Variants in ATP2B2 observed in about 807,000 individuals in gnomAD.
ATP2B2 encodes ATPase plasma membrane Ca2+ transporting 2.
Under a neutral mutation model 120.0 loss-of-function variants are expected in ATP2B2, and 15 were observed. The observed-to-expected ratio is 0.12, with a 90% CI of 0.08 to 0.19. ATP2B2 has a LOEUF of 0.19. Ranked by LOEUF, ATP2B2 falls within the 10% of genes least tolerant of loss-of-function variation. The pLI, the probability that ATP2B2 is intolerant of heterozygous loss-of-function variation, is 1.00. For synonymous variants in ATP2B2, 694 were observed against 700.3 expected (o/e 0.99, Z 0.14); for missense variants, 1,045 against 1,719.8 (o/e 0.61, Z 6.94).
intron 2 of ATP2B2, among the ~76,000 whole-genome samples, chr3:10,438,278 GTGC>G (rs1012391371): frequency 1.3e-5 from 2 of 152,212 alleles, no homozygotes; most frequent in African/African-American, 4.8e-5. Context: ...GAGCTGGGGT[GTGC>G]TGAAGGGGGA....
At chr3:10,507,835 G>A (rs2066677082), upstream of ATP2B2, among the ~76,000 whole-genome samples, 1 of 152,168 alleles carries the variant, frequency 6.6e-6, no homozygotes, top group Non-Finnish European at 1.5e-5. Flanking sequence ...TAGTTCAGGG[G>A]GATGTGGTGG....
At chr3:10,332,422 G>C (rs1042981620) in intron 22 of ATP2B2, 2 of 213,744 alleles carry the variant, frequency 9.4e-6, no homozygotes, top group Non-Finnish European at 1.9e-5. Flanking sequence ...AAGATGGTTT[G>C]AGATGAGTTA....
intron 11 of ATP2B2, among the ~76,000 whole-genome samples, chr3:10,374,360 C>T (rs1217963125): frequency 6.6e-6 from 1 of 152,132 alleles, no homozygotes; most frequent in Non-Finnish European, 1.5e-5. Context: ...CGATAAGGGC[C>T]GTATTTGTTA....
intron 21 of ATP2B2, among the ~76,000 whole-genome samples, 165 bp from the exon 22 acceptor site, chr3:10,338,523 T>C (rs1003257598): frequency 2.0e-4 from 29 of 145,038 alleles, no homozygotes; most frequent in Admixed American, 1.0e-3. Context: ...TCTTTGACAA[T>C]GTCTTTTTTT....
At chr3:10,394,039 T>G (rs2061947208) in intron 5 of ATP2B2, among the ~76,000 whole-genome samples, 1 of 152,166 alleles carries the variant, frequency 6.6e-6, no homozygotes, top group Non-Finnish European at 1.5e-5. Flanking sequence ...ATAAGGCGAA[T>G]GACTGAAGTT....
At chr3:10,534,445 T>TCGGG (rs2067269690) in intron 2 of ATP2B2, among the ~76,000 whole-genome samples, 1 of 152,228 alleles carries the variant, frequency 6.6e-6, no homozygotes, top group Non-Finnish European at 1.5e-5. Flanking sequence ...CTAACATGCA[T>TCGGG]CGGGCATCTA....
intron 2 of ATP2B2, among the ~76,000 whole-genome samples, chr3:10,536,797 G>T (rs2067327337): frequency 6.6e-6 from 1 of 152,128 alleles, no homozygotes; most frequent in African/African-American, 2.4e-5. Flanking sequence ...CAAAGTGTTG[G>T]GATTACAGGC....
intron 1 of ATP2B2, among the ~76,000 whole-genome samples, chr3:10,670,162 C>T (rs959953040): frequency 2.6e-5 from 4 of 152,146 alleles, no homozygotes; most frequent in African/African-American, 7.2e-5. Context: ...TAAGAGAGGT[C>T]GAGTATGTAT....
At chr3:10,585,194 C>T (rs1182762745) in intron 2 of ATP2B2, among the ~76,000 whole-genome samples, 1 of 152,090 alleles carries the variant, frequency 6.6e-6, no homozygotes, top group African/African-American at 2.4e-5. Context: ...ATGGTTTGCA[C>T]TGTAATTAAG....
intron 8 of ATP2B2, among the ~76,000 whole-genome samples, chr3:10,381,412 C>G (rs2061527069): frequency 6.6e-6 from 1 of 152,176 alleles, no homozygotes; most frequent in Admixed American, 6.5e-5. Context: ...CTCAAAGGGG[C>G]CTTTATTTGC....
chr3:10,690,200 T>C (rs925607007), intron 1 of ATP2B2, among the ~76,000 whole-genome samples: 1 of 152,188 alleles, frequency 6.6e-6, no homozygotes, highest in African/African-American at 2.4e-5. Context: ...AGGCTTGACA[T>C]AGGGGGGGAC....
At chr3:10,532,603 T>C (rs1236114038) in intron 3 of ATP2B2, among the ~76,000 whole-genome samples, 2 of 152,228 alleles carry the variant, frequency 1.3e-5, no homozygotes, top group Non-Finnish European at 2.9e-5. Context: ...AAGTTTCTGT[T>C]CTGTATTATG....
chr3:10,450,063 C>G (rs989132103), intron 1 of ATP2B2, among the ~76,000 whole-genome samples: 2 of 152,162 alleles, frequency 1.3e-5, no homozygotes, highest in Non-Finnish European at 1.5e-5. Flanking sequence ...ACCCTCAAGG[C>G]ATAGCCCCAT....
chr3:10,388,980 G>A (rs147431825), intron 5 of ATP2B2, among the ~76,000 whole-genome samples: 38 of 152,252 alleles, frequency 2.5e-4, no homozygotes, highest in Non-Finnish European at 4.6e-4. Flanking sequence ...TGTGACCTCA[G>A]TGGGATCTTG....
At position 10,375,717 on chromosome 3, in the gene ATP2B2, G is replaced by A. The variant is rs1575055783; in HGVS notation, c.1202-73C>T. On this transcript the variant is annotated intron_variant, in intron 10 of 22. Coordinates refer to ENST00000360273, the MANE Select transcript of ATP2B2 (RefSeq NM_001001331.4). The surrounding 1 kb of genome is among the most constrained non-coding windows in gnomAD (Gnocchi z 4.2). ...TGGGGGTGGTGTGGACCAAATCTTT[G>A]GCTGAAAGAGCTCCGGGTCAGGCTG... The A allele has an allele frequency of 7.2e-7, 1 of 1,394,836 alleles. No individual in the cohort carries two copies. The highest frequency in any genetic ancestry group is 2.4e-5 in the East Asian group (1 of 41,720). The allele number at this position is 1,394,836 out of a possible 1,614,324, so 86.4% of individuals were successfully genotyped here. A position where few individuals can be genotyped will look rare whatever the true frequency, so the allele number is the denominator to read the frequency against.
chr3:10,656,826 C>T (rs1312785660), intron 1 of ATP2B2, among the ~76,000 whole-genome samples: 2 of 152,226 alleles, frequency 1.3e-5, no homozygotes, highest in Non-Finnish European at 2.9e-5. Flanking sequence ...CAAGAAGAAG[C>T]CAGCCCTGGG....
chr3:10,369,853 G>T (rs968732619), intron 12 of ATP2B2, among the ~76,000 whole-genome samples: 1 of 152,206 alleles, frequency 6.6e-6, no homozygotes, highest in Non-Finnish European at 1.5e-5. Flanking sequence ...AGGCTCTGCT[G>T]TCCTTCCCAC....
chr3:10,652,103 T>C (rs1210700953), intron 1 of ATP2B2, among the ~76,000 whole-genome samples: 1 of 152,114 alleles, frequency 6.6e-6, no homozygotes, highest in Non-Finnish European at 1.5e-5. Context: ...TTCCAGATAA[T>C]GGGGCTATTT....
rs957503611 is a variant in ATP2B2 at position 10,329,869 on chromosome 3, C to T, written c.3421-744G>A. Among the ~76,000 whole-genome samples, 3 of 152,180 alleles carry T rather than the reference C, an allele frequency of 2.0e-5. No individual in the cohort carries two copies. Among genetic ancestry groups the T allele is most frequent in the African/African-American group, 2.4e-5 (1 of 41,446 alleles). On this transcript the variant is annotated intron_variant, in intron 22 of 22. Coordinates refer to ENST00000360273, the MANE Select transcript of ATP2B2 (RefSeq NM_001001331.4). The surrounding 1 kb of genome is among the most constrained non-coding windows in gnomAD (Gnocchi z 5.9). Reference sequence around the variant, plus strand: ...CACATGGCACACACAGACAGACACACGGCTACACTTGGAAGCCTGGACAAT... The same window carrying T: ...CACATGGCACACACAGACAGACACATGGCTACACTTGGAAGCCTGGACAAT...
Sources: gnomAD v4.1 joint callset for allele counts (sites outside exome capture counted in the v4.1 genomes callset) on GRCh38, gnomAD v4.1.1 for gene constraint, Gnocchi (gnomAD v3.1) non-coding constraint, MANE v1.5 for transcripts, NCBI Gene and HGNC (gene_info 2026-07-23, HGNC 2026-07-21) for gene names.